FAM83E: variants seen among roughly 807,000 people sequenced by gnomAD.
FAM83E encodes the protein scaffolding CK1 anchoring protein E.
In FAM83E, 29 loss-of-function variants were observed where a neutral mutation model predicts 34.3. The observed-to-expected ratio is 0.85, with a 90% CI of 0.63 to 1.15. The LOEUF (loss-of-function observed/expected upper bound fraction) is 1.15. FAM83E is among the 50% of genes most tolerant of loss of function. The pLI is 0.00. For missense variants in FAM83E, 697 were observed against 685.0 expected (o/e 1.02, Z -0.20); for synonymous variants, 312 against 311.6 (o/e 1.00, Z -0.01).
chr19:48,609,265 C>CTTTTTTTTTTTTTTTTTTTT (rs869031073), intron 5 of FAM83E, among the ~76,000 whole-genome samples: 3 of 99,694 alleles, frequency 3.0e-5, no homozygotes, highest in East Asian at 3.1e-4. Flanking sequence ...TTCTTTCTTT[C>CTTTTTTTTTTTTTTTTTTTT]TTTTTTTTTT....
In FAM83E at chr19:48,606,635, G is replaced by T. The variant is rs766531504; in HGVS notation, c.759-2724C>A. 7.9e-5 allele frequency: 23 copies of T among 289,450 alleles called. 1 individual carries two copies. The highest frequency in any genetic ancestry group is 1.2e-4 in the Non-Finnish European group (18 of 151,728). The allele number at this position is 289,450 out of a possible 1,614,324, so 17.9% of individuals were successfully genotyped here. A position where few individuals can be genotyped will look rare whatever the true frequency, so the allele number is the denominator to read the frequency against. On this transcript the variant is annotated intron_variant, in intron 5 of 6. Transcript: ENST00000263266. ...GGCAGAGCCCTCTTGCGCCCCGGCAGGTCGGCGGGGCAGGCCACCCCTTGG... is the reference window on the plus strand; with the variant it reads ...GGCAGAGCCCTCTTGCGCCCCGGCATGTCGGCGGGGCAGGCCACCCCTTGG...
At position 48,601,202 on chromosome 19, in the gene FAM83E, C is replaced by T. The variant is rs1973805601; in HGVS notation, c.1344G>A (p.Arg448=). 1.2e-6 allele frequency: 2 copies of T among 1,612,100 alleles called. No homozygotes were observed. The highest frequency in any genetic ancestry group is 1.3e-5 in the African/African-American group (1 of 74,914). Residue 448 remains arginine (R), a synonymous_variant, in exon 7 of 7, where the codon CGG becomes CGA. Transcript: ENST00000263266. ...GTTTGAATGTAGCATCCCCACCGAA[C>T]CGCCTTCGGGCTGGGGACAGATAGC... is the stretch of plus-strand genomic sequence containing the variant. ...RLRYLSPARR[R]FGGDATFKLQ... is the part of the protein sequence containing the mutation.
intron 6 of FAM83E, among the ~76,000 whole-genome samples, chr19:48,602,700 AAAAAATATATATATAT>A (rs1356919124): frequency 9.1e-5 from 4 of 43,942 alleles, no homozygotes; most frequent in African/African-American, 3.3e-4. Context: ...AAAAAAAAAA[AAAAAATATATATATAT>A]ATATATATAT....
rs555510727 is a variant in FAM83E at position 48,601,293 on chromosome 19, C to A, written c.1253G>T (p.Trp418Leu). The stretch of plus-strand genomic sequence containing the variant: ...CGGAGGTCGGGAGTCCACTTCCCCC[C>A]AGGGGCCTCCTCCAGTGCCCCGCTG... The part of the protein sequence containing the change: ...MRQRGTGGGP[W>L]GEVDSRPPWG... The change falls in exon 7 of 7, where the codon TGG becomes TTG. Residue 418 changes from tryptophan to leucine, a missense_variant. Transcript: ENST00000263266. 66 of 1,578,202 alleles carry A rather than the reference C, an allele frequency of 4.2e-5. 2 individuals carry two copies. The South Asian group carries it at 6.7e-4, about 16-fold the overall frequency.
intron 5 of FAM83E, 36 bp from the exon 6 acceptor site, chr19:48,603,947 C>T (rs768204323): frequency 1.3e-6 from 2 of 1,576,348 alleles, no homozygotes; most frequent in South Asian, 2.3e-5. Flanking sequence ...GAGTCTCCAA[C>T]CCTGAGGGCC....
chr19:48,614,750 CCTG>C lies in FAM83E; in HGVS notation c.-1301_-1299del, dbSNP rs1320038726. 2.9e-5 allele frequency: 29 copies of C among 983,260 alleles called. No individual in the cohort carries two copies. Among genetic ancestry groups the C allele is most frequent in the African/African-American group, 3.5e-5 (2 of 56,890 alleles). The allele number at this position is 983,260 out of a possible 1,614,324, so 60.9% of individuals were successfully genotyped here. A position where few individuals can be genotyped will look rare whatever the true frequency, so the allele number is the denominator to read the frequency against. On this transcript the variant is annotated 5_prime_UTR_variant, in exon 2 of 7. Coordinates refer to ENST00000263266, the MANE Select transcript of FAM83E (RefSeq NM_017708.4). Reference sequence around the variant, plus strand: ...GGGCTCAATGGCCTCCCTTCCAGTGCCTGCTTTTTCCGAGAACGTAGGCTGTGG... The same window carrying C: ...GGGCTCAATGGCCTCCCTTCCAGTGCCTTTTTCCGAGAACGTAGGCTGTGG...
At chr19:48,610,323 C>T (rs1182958143) in intron 4 of FAM83E, among the ~76,000 whole-genome samples, 4 of 132,502 alleles carry the variant, frequency 3.0e-5, no homozygotes, top group African/African-American at 5.8e-5. Context: ...CGTTTGAACC[C>T]GGGAGGTGGA....
chr19:48,601,679 C>T (rs753659133), intron 6 of FAM83E, among the ~76,000 whole-genome samples: 1 of 151,492 alleles, frequency 6.6e-6, no homozygotes, highest in Non-Finnish European at 1.5e-5. Context: ...GCAGGAGAAT[C>T]GCTTGAACCC....
chr19:48,602,811 G>A (rs7251850), intron 6 of FAM83E, among the ~76,000 whole-genome samples: 1,914 of 99,694 alleles, frequency 0.019, 60 homozygotes, highest in African/African-American at 0.066. Flanking sequence ...CTTCAGGAAT[G>A]TATTTATTTA....
intron 5 of FAM83E, among the ~76,000 whole-genome samples, chr19:48,608,393 A>G (rs1009857617): frequency 8.8e-5 from 13 of 148,348 alleles, no homozygotes; most frequent in Non-Finnish European, 1.2e-4. Flanking sequence ...GACTACAGAC[A>G]TGAACCACCA....
At position 48,614,133 on chromosome 19, in the gene FAM83E, T is replaced by C. The variant is rs1439855745; in HGVS notation, c.-761A>G. On this transcript the variant is annotated 5_prime_UTR_variant, in exon 3 of 7. Coordinates refer to ENST00000263266, the MANE Select transcript of FAM83E (RefSeq NM_017708.4). The stretch of plus-strand genomic sequence containing the variant: ...CGCTCAGCCTTAAAGGCCGAAGGCT[T>C]GGCAAACCCTTCCCTACCCTGTCAA... 1 of 985,634 alleles carries C rather than the reference T, an allele frequency of 1.0e-6. No homozygotes were observed. 61.1% of individuals were successfully genotyped at this position (985,634 alleles called of 1,614,324 possible).
chr19:48,604,107 A>G (rs1373872425), intron 5 of FAM83E, among the ~76,000 whole-genome samples, 196 bp from the exon 6 acceptor site: 1 of 152,028 alleles, frequency 6.6e-6, no homozygotes, highest in African/African-American at 2.4e-5. Flanking sequence ...AGCCCAAGTT[A>G]AGACACTTAT....
Position 48,613,915 on chromosome 19 carries a change from C to T in FAM83E, c.-543G>A. The stretch of plus-strand genomic sequence containing the variant: ...AGGCACGACAGGTTGCCTGCCTGCC[C>T]CCGGCCAAGAGCACGACGAACTGAC... On this transcript the variant is annotated 5_prime_UTR_variant, in exon 3 of 7. Transcript: ENST00000263266. 3 of 985,436 alleles carry T rather than the reference C, an allele frequency of 3.0e-6. No individual in the cohort carries two copies. Among genetic ancestry groups the T allele is most frequent in the Non-Finnish European group, 3.6e-6 (3 of 829,932 alleles). The allele number at this position is 985,436 out of a possible 1,614,324, so 61.0% of individuals were successfully genotyped here. A position where few individuals can be genotyped will look rare whatever the true frequency, so the allele number is the denominator to read the frequency against.
intron 2 of FAM83E, 22 bp downstream of exon 2, chr19:48,614,686 C>CCCCCCCACCCTCACCCATG: frequency 7.7e-6 from 5 of 649,652 alleles, no homozygotes; most frequent in Non-Finnish European, 9.4e-6. Flanking sequence ...CCTCACCCAT[C>CCCCCCCACCCTCACCCATG]CCCCCCATCG....
At chr19:48,602,699 AAAAAAATATATATAT>A (rs1973840904) in intron 6 of FAM83E, among the ~76,000 whole-genome samples, 1 of 40,370 alleles carries the variant, frequency 2.5e-5, no homozygotes, top group African/African-American at 1.2e-4. Context: ...AAAAAAAAAA[AAAAAAATATATATAT>A]ATATATATAT....
chr19:48,609,928 G>T lies in FAM83E; in HGVS notation c.706C>A (p.Arg236=), dbSNP rs200129085. The T allele has an allele frequency of 5.0e-5, 80 of 1,612,990 alleles. 2 individuals are homozygous for T. The Admixed American group carries it at 8.3e-4, about 17-fold the overall frequency. The change falls in exon 5 of 7, where the codon CGG becomes AGG. Residue 236 remains arginine (R), a synonymous_variant. Coordinates refer to ENST00000263266, the MANE Select transcript of FAM83E (RefSeq NM_017708.4). ...RWRRQVSGTV[R]EKFVLLDGER... ...CCGTCCAGCAGCACAAACTTCTCCC[G>T]CACGGTGCCGCTCACCTGCCGTCGC... is the stretch of plus-strand genomic sequence containing the variant.
chr19:48,609,726 A>C lies in FAM83E; in HGVS notation c.758+150T>G, dbSNP rs2617804. The stretch of plus-strand genomic sequence containing the variant: ...CAGCACCAGGTCCGGCCGCGGCACC[A>C]ACCTCCTCCGCAGGGAAGAGTGTTT... On this transcript the variant is annotated intron_variant, in intron 5 of 6. Transcript: ENST00000263266. 142,063 of 892,310 alleles carry C rather than the reference A, an allele frequency of 0.16. 12,681 individuals are homozygous for C. The highest frequency in any genetic ancestry group is 0.35 in the East Asian group (13,650 of 39,200). The allele number at this position is 892,310 out of a possible 1,614,324, so 55.3% of individuals were successfully genotyped here. A position where few individuals can be genotyped will look rare whatever the true frequency, so the allele number is the denominator to read the frequency against.
In FAM83E at chr19:48,601,278, G is replaced by T. The variant is rs778074512; in HGVS notation, c.1268C>A (p.Ser423Tyr). Residue 423 changes from serine to tyrosine, a missense_variant, in exon 7 of 7, where the codon TCC becomes TAC. Physicochemically the swap from Ser to Tyr is moderately radical, Grantham distance 144. Coordinates refer to ENST00000263266, the MANE Select transcript of FAM83E (RefSeq NM_017708.4). ...TGGGPWGEVD[S>Y]RPPWGGALPL... ...CAGGGCACCGCCCCACGGAGGTCGG[G>T]AGTCCACTTCCCCCCAGGGGCCTCC... The T allele has an allele frequency of 6.3e-7, 1 of 1,587,484 alleles. No individual in the cohort carries two copies. The highest frequency in any genetic ancestry group is 1.8e-5 in the Admixed American group (1 of 55,752).
Position 48,601,375 on chromosome 19 carries a change from G to T in FAM83E, c.1177-6C>A. On this transcript the variant is annotated splice_polypyrimidine_tract_variant and splice_region_variant and intron_variant, in intron 6 of 6. Transcript: ENST00000263266. ...GAGCCCCAGGATTTCTTGAGCTGTG[G>T]AGGGAAAGAGAGGGAGGTGAGAGGA... is the stretch of plus-strand genomic sequence containing the variant. The T allele has an allele frequency of 6.4e-7, 1 of 1,558,750 alleles. No homozygotes were observed. The highest frequency in any genetic ancestry group is 1.9e-5 in the Admixed American group (1 of 51,656).
Sources: gnomAD v4.1 joint callset for allele counts (sites outside exome capture counted in the v4.1 genomes callset) on GRCh38, gnomAD v4.1.1 for gene constraint, MANE v1.5 for transcripts, NCBI Gene and HGNC (gene_info 2026-07-23, HGNC 2026-07-21) for gene names.